HIVEP3: variants seen among roughly 807,000 people sequenced by gnomAD.
HIVEP3 encodes HIVEP zinc finger 3.
HIVEP3 carries 49 observed loss-of-function variants against 152.8 expected under a neutral mutation model. The ratio of observed to expected loss-of-function variants is 0.32; its 90% CI spans 0.26 to 0.41. HIVEP3 has a LOEUF of 0.41. Among genes scored for constraint, HIVEP3 ranks in the 10% least tolerant of loss-of-function variants. The pLI is 1.00. For synonymous variants in HIVEP3, 1,269 were observed against 1,289.0 expected, an observed-to-expected ratio of 0.98 and a Z score of 0.33; for missense variants, 2,790 against 3,103.3, an observed-to-expected ratio of 0.90 and a Z score of 2.40.
At chr1:41,718,033 A>T (rs936039334) in intron 1 of HIVEP3, among the ~76,000 whole-genome samples, 6 of 152,234 alleles carry the variant, frequency 3.9e-5, no homozygotes, top group Non-Finnish European at 7.4e-5. Flanking sequence ...CTGTGGCCAG[A>T]ATCTGGAAAT....
At chr1:41,708,050 T>C (rs1447162941) in intron 1 of HIVEP3, among the ~76,000 whole-genome samples, 1 of 152,190 alleles carries the variant, frequency 6.6e-6, no homozygotes, top group South Asian at 2.1e-4. Flanking sequence ...CTAGAGTGAC[T>C]GGGAGATGCC....
rs181699769 is a variant in HIVEP3, at chr1:41,521,521, C to T, written c.5384-3033G>A. Among the ~76,000 whole-genome samples the T allele has an allele frequency of 1.1e-4, 16 of 152,326 alleles. No homozygotes were observed. In the East Asian group the frequency reaches 3.1e-3, roughly 29 times the overall value. On this transcript the variant is annotated intron_variant, in intron 6 of 8. Transcript: ENST00000372583. ...CCTCTGTGACTTCCCCTCTCCAGGC[C>T]TGTCTCCTCCTCTGTGAAAGGGGAA...
intron 5 of HIVEP3, among the ~76,000 whole-genome samples, chr1:41,545,563 T>TCACCAC (rs61153724): frequency 1.9e-5 from 1 of 52,742 alleles, no homozygotes; most frequent in Non-Finnish European, 3.6e-5. Flanking sequence ...ATCACTACCA[T>TCACCAC]CACCACCACC....
intron 5 of HIVEP3, among the ~76,000 whole-genome samples, chr1:41,545,924 C>T (rs184863244): frequency 6.6e-6 from 1 of 152,332 alleles, no homozygotes; most frequent in Non-Finnish European, 1.5e-5. Flanking sequence ...AGAAAGCTGA[C>T]AGTTGGAAAA....
At position 41,506,874 on chromosome 1, in the gene HIVEP3, T is replaced by C. The variant is rs1644388121; in HGVS notation, c.*3577A>G. On this transcript the variant is annotated 3_prime_UTR_variant, in exon 9 of 9. Coordinates refer to ENST00000372583, the MANE Select transcript of HIVEP3 (RefSeq NM_024503.5). ...TTACAGAGAGCATTGTATTTTACAT[T>C]TGCCTGCACGTTTCTTTTTTCTGTT... 1.6e-5 allele frequency: 2 copies of C among 122,812 alleles called. No individual in the cohort carries two copies. The highest frequency in any genetic ancestry group is 4.7e-4 in the East Asian group (2 of 4,260). 7.6% of individuals were successfully genotyped at this position (122,812 alleles called of 1,614,324 possible). A position where few individuals can be genotyped will look rare whatever the true frequency, so the allele number is the denominator to read the frequency against.
At chr1:41,953,597 T>C (rs1557537310) in intron 1 of HIVEP3, among the ~76,000 whole-genome samples, 1 of 152,186 alleles carries the variant, frequency 6.6e-6, no homozygotes, top group Non-Finnish European at 1.5e-5. Context: ...CCCCACCCCA[T>C]GCTCAGTTTG....
Position 41,853,626 on chromosome 1 carries a change from C to T in HIVEP3, c.-801+64787G>A, listed in dbSNP as rs559722036. Among the ~76,000 whole-genome samples the T allele has an allele frequency of 5.9e-5, 9 of 152,188 alleles. No homozygotes were observed. The South Asian group carries it at 1.9e-3, about 32-fold the overall frequency. On this transcript the variant is annotated intron_variant, in intron 1 of 8. Coordinates refer to ENST00000372583, the MANE Select transcript of HIVEP3 (RefSeq NM_024503.5). ...GGGTGGGGACACAGGCAAACCATAT[C>T]AGAGGTGTTATATAGTAAGGAGCTT... is the stretch of plus-strand genomic sequence containing the variant.
intron 1 of HIVEP3, among the ~76,000 whole-genome samples, chr1:41,969,784 G>A (rs1198360299): frequency 6.6e-6 from 1 of 152,102 alleles, no homozygotes; most frequent in Non-Finnish European, 1.5e-5. Context: ...CTAAAGAATG[G>A]GAGAAAAATG....
chr1:41,923,649 C>A (rs1448280248), upstream of HIVEP3, among the ~76,000 whole-genome samples: 1 of 152,082 alleles, frequency 6.6e-6, no homozygotes, highest in Non-Finnish European at 1.5e-5. Context: ...AGATTTTAAA[C>A]GTTCTCACCA....
At position 41,662,964 on chromosome 1, in the gene HIVEP3, C is replaced by A. The variant is rs896933746; in HGVS notation, c.-720-34017G>T. Among the ~76,000 whole-genome samples, 1 of 152,168 alleles carries A rather than the reference C, an allele frequency of 6.6e-6. No individual in the cohort carries two copies. Among genetic ancestry groups the A allele is most frequent in the Non-Finnish European group, 1.5e-5 (1 of 67,996 alleles). ...TTTAATGAGCTCTGGGCGGGGCGGGCCTGCCAGGGCCTCCCTGGGCTCAGG... is the reference window on the plus strand; with the variant it reads ...TTTAATGAGCTCTGGGCGGGGCGGGACTGCCAGGGCCTCCCTGGGCTCAGG... On this transcript the variant is annotated intron_variant, in intron 2 of 8. Coordinates refer to ENST00000372583, the MANE Select transcript of HIVEP3 (RefSeq NM_024503.5). This position sits in a 1 kb window ranked among gnomAD's most constrained non-coding sequence, Gnocchi z 7.2.
chr1:41,880,425 G>A (rs1644243188), intron 1 of HIVEP3, among the ~76,000 whole-genome samples: 1 of 152,170 alleles, frequency 6.6e-6, no homozygotes, highest in Admixed American at 6.5e-5. Flanking sequence ...GGAAGGGAAT[G>A]TGGTCAGCAT....
chr1:41,632,463 T>C (rs1359391425), intron 2 of HIVEP3, among the ~76,000 whole-genome samples: 1 of 152,216 alleles, frequency 6.6e-6, no homozygotes, highest in Non-Finnish European at 1.5e-5. Context: ...ACAGATCTCT[T>C]GACCTCGTGA....
At chr1:41,668,694 T>C (rs1316200465) in intron 2 of HIVEP3, among the ~76,000 whole-genome samples, 2 of 152,256 alleles carry the variant, frequency 1.3e-5, no homozygotes, top group African/African-American at 4.8e-5. Flanking sequence ...TTTAGTGAAC[T>C]CGTCCTATAA....
chr1:41,706,811 G>A (rs879462960), intron 1 of HIVEP3, among the ~76,000 whole-genome samples: 8 of 152,280 alleles, frequency 5.3e-5, no homozygotes, highest in South Asian at 4.1e-4. Context: ...CTACTGTTCC[G>A]CCGATGTTCT....
At position 41,506,556 on chromosome 1, in the gene HIVEP3, G is replaced by A. The variant is rs988114153; in HGVS notation, c.*3895C>T. On this transcript the variant is annotated 3_prime_UTR_variant, in exon 9 of 9. Transcript: ENST00000372583. ...ATACTGAGCATTTTTCCTTTTGTAC[G>A]TCAGACTCTGTGCTTTAGACCTGCG... 7.3e-5 allele frequency: 11 copies of A among 151,362 alleles called. No individual in the cohort carries two copies. Among genetic ancestry groups the A allele is most frequent in the African/African-American group, 2.2e-4 (9 of 41,180 alleles). 9.4% of individuals were successfully genotyped at this position (151,362 alleles called of 1,614,324 possible). A position where few individuals can be genotyped will look rare whatever the true frequency, so the allele number is the denominator to read the frequency against.
At chr1:41,931,904 T>C (rs77895163) in intron 1 of HIVEP3, among the ~76,000 whole-genome samples, 1,792 of 152,044 alleles carry the variant, frequency 0.012, 37 homozygotes, top group African/African-American at 0.041. Flanking sequence ...TGAAAAGACA[T>C]TGTTTCCTTT....
At chr1:41,799,796 C>A (rs576049052) in intron 1 of HIVEP3, among the ~76,000 whole-genome samples, 1 of 152,102 alleles carries the variant, frequency 6.6e-6, no homozygotes, top group South Asian at 2.1e-4. Context: ...TGGCACCCCC[C>A]CTTCCCCCCA....
intron 1 of HIVEP3, among the ~76,000 whole-genome samples, chr1:41,890,868 C>T (rs1456250375): frequency 6.6e-6 from 1 of 152,228 alleles, no homozygotes; most frequent in Non-Finnish European, 1.5e-5. Context: ...CAACGCTCCA[C>T]TCAGGCAGCT....
intron 1 of HIVEP3, among the ~76,000 whole-genome samples, chr1:41,914,873 CTAAG>C (rs1644847627): frequency 6.6e-6 from 1 of 152,214 alleles, no homozygotes; most frequent in Non-Finnish European, 1.5e-5. Context: ...TGGAACAACT[CTAAG>C]TGTGTTTCCT....
Sources: allele counts gnomAD v4.1 joint callset (sites outside exome capture counted in the v4.1 genomes callset), GRCh38; gene constraint gnomAD v4.1.1; non-coding constraint Gnocchi (gnomAD v3.1); transcripts MANE v1.5; gene names NCBI Gene and HGNC (gene_info 2026-07-23, HGNC 2026-07-21).